Variants in HECW1 observed in about 807,000 individuals in gnomAD.
HECW1 encodes HECT, C2 and WW domain containing E3 ubiquitin protein ligase 1.
A neutral mutation model predicts 182.3 loss-of-function variants in HECW1; 61 were observed. That is an observed-to-expected ratio of 0.33 (90% CI 0.27 to 0.41). HECW1 has a LOEUF of 0.41. Among genes scored for constraint, HECW1 ranks in the 10% least tolerant of loss-of-function variants. The probability of loss-of-function intolerance (pLI) is 1.00; values close to 1 mark genes in which losing one functional copy is unlikely to be tolerated. For missense variants in HECW1, 1,739 were observed against 2,108.9 expected (o/e 0.82, Z 3.44); for synonymous variants, 859 against 832.6 (o/e 1.03, Z -0.55).
intron 4 of HECW1, among the ~76,000 whole-genome samples, chr7:43,314,298 G>T (rs1246174851): frequency 1.3e-5 from 2 of 152,218 alleles, no homozygotes; most frequent in Non-Finnish European, 2.9e-5. Flanking sequence ...ATGAATGAAT[G>T]GTTCTGAAGC....
intron 24 of HECW1, among the ~76,000 whole-genome samples, chr7:43,540,093 A>G (rs2081311160): frequency 6.6e-6 from 1 of 152,232 alleles, no homozygotes; most frequent in Admixed American, 6.5e-5. Flanking sequence ...AAACATACCA[A>G]TTTGAAGTGT....
intron 2 of HECW1, among the ~76,000 whole-genome samples, chr7:43,178,494 CA>C (rs1792486765): frequency 1.3e-5 from 2 of 152,114 alleles, no homozygotes; most frequent in Admixed American, 1.3e-4. Flanking sequence ...AAGAAAGTGC[CA>C]AATATCAAGT....
At chr7:43,254,703 A>T (rs1373809694) in intron 3 of HECW1, among the ~76,000 whole-genome samples, 1 of 152,174 alleles carries the variant, frequency 6.6e-6, no homozygotes, top group Non-Finnish European at 1.5e-5. Context: ...GGAGCCAGGA[A>T]TTTCCTCAGC....
chr7:43,168,150 T>G (rs7804641), intron 2 of HECW1, among the ~76,000 whole-genome samples: 9,823 of 152,306 alleles, frequency 0.064, 495 homozygotes, highest in East Asian at 0.29. Flanking sequence ...ATGTTTCACT[T>G]TTGCATGATG....
intron 7 of HECW1, among the ~76,000 whole-genome samples, chr7:43,404,794 A>G (rs1270508472): frequency 1.3e-5 from 2 of 152,074 alleles, no homozygotes; most frequent in African/African-American, 2.4e-5. Flanking sequence ...GGCCAACCTA[A>G]TGAAACCCTA....
intron 13 of HECW1, among the ~76,000 whole-genome samples, chr7:43,457,788 C>A (rs868140204): frequency 1.0e-3 from 148 of 147,654 alleles, no homozygotes; most frequent in African/African-American, 2.0e-3. Flanking sequence ...AAAAAAAAAA[C>A]AAACAAAAAA....
intron 2 of HECW1, among the ~76,000 whole-genome samples, chr7:43,150,453 G>C (rs534686881): frequency 3.3e-5 from 5 of 151,956 alleles, no homozygotes; most frequent in Non-Finnish European, 7.4e-5. Flanking sequence ...ATGTCAGCTC[G>C]GTGCAACCTC....
chr7:43,154,145 A>G (rs1284878084), intron 2 of HECW1, among the ~76,000 whole-genome samples: 1 of 152,256 alleles, frequency 6.6e-6, no homozygotes, highest in Admixed American at 6.5e-5. Flanking sequence ...ATACTTATTT[A>G]CAATAGTCAA....
chr7:43,178,614 A>G (rs1792500545), intron 2 of HECW1, among the ~76,000 whole-genome samples: 1 of 152,204 alleles, frequency 6.6e-6, no homozygotes, highest in African/African-American at 2.4e-5. Context: ...CACTGTGCAG[A>G]GCGCTGCCTC....
At chr7:43,227,822 C>T (rs1413253301) in intron 2 of HECW1, among the ~76,000 whole-genome samples, 2 of 152,200 alleles carry the variant, frequency 1.3e-5, no homozygotes, top group African/African-American at 2.4e-5. Flanking sequence ...AAAAGCAATA[C>T]ATCCATGAAA....
chr7:43,354,216 A>G (rs1814820150), intron 5 of HECW1, among the ~76,000 whole-genome samples: 1 of 151,436 alleles, frequency 6.6e-6, no homozygotes, highest in Non-Finnish European at 1.5e-5. Flanking sequence ...GACAGAGAAG[A>G]CTGAAATAAA....
chr7:43,331,997 G>A (rs1160195313), intron 5 of HECW1, among the ~76,000 whole-genome samples: 1 of 152,176 alleles, frequency 6.6e-6, no homozygotes, highest in Non-Finnish European at 1.5e-5. Flanking sequence ...TGACTGGCTA[G>A]GGGTGGGATG....
In HECW1 at chr7:43,129,489, A is replaced by G. The variant is rs111605563; in HGVS notation, c.-32+15098A>G. Among the ~76,000 whole-genome samples, 843 of 152,318 alleles carry G rather than the reference A, an allele frequency of 5.5e-3. 9 individuals are homozygous for G. Among genetic ancestry groups the G allele is most frequent in the African/African-American group, 0.019 (789 of 41,568 alleles). On this transcript the variant is annotated intron_variant, in intron 2 of 29. Coordinates refer to ENST00000395891, the MANE Select transcript of HECW1 (RefSeq NM_015052.5). ...TGCTAATAGACTACAGTATAGTGTAAACATAACTTTTATGTGCACCAGAAA... is the reference window on the plus strand; with the variant it reads ...TGCTAATAGACTACAGTATAGTGTAGACATAACTTTTATGTGCACCAGAAA...
At chr7:43,548,768 C>T (rs554440686) in intron 26 of HECW1, among the ~76,000 whole-genome samples, 1 of 152,174 alleles carries the variant, frequency 6.6e-6, no homozygotes, top group South Asian at 2.1e-4. Context: ...ATGGCGAAAC[C>T]CTGTCTGTAC....
intron 13 of HECW1, among the ~76,000 whole-genome samples, chr7:43,459,344 T>C (rs1349700681): frequency 6.6e-6 from 1 of 152,240 alleles, no homozygotes; most frequent in African/African-American, 2.4e-5. Flanking sequence ...ATTCCCATGC[T>C]TTCAGAATAT....
At chr7:43,226,487 CT>C (rs1183901878) in intron 2 of HECW1, among the ~76,000 whole-genome samples, 4 of 152,176 alleles carry the variant, frequency 2.6e-5, no homozygotes, top group African/African-American at 4.8e-5. Flanking sequence ...TGTCTAAATG[CT>C]TTACTTTTTT....
chr7:43,366,176 T>C (rs966843796), intron 6 of HECW1, among the ~76,000 whole-genome samples: 5 of 151,506 alleles, frequency 3.3e-5, no homozygotes, highest in African/African-American at 2.4e-5. Context: ...CATATACTTG[T>C]CAGACCCCCT....
intron 2 of HECW1, among the ~76,000 whole-genome samples, chr7:43,200,746 C>T (rs1409304875): frequency 6.6e-6 from 1 of 152,198 alleles, no homozygotes; most frequent in Admixed American, 6.5e-5. Flanking sequence ...GAAACAGGGT[C>T]TTCAAAACTT....
chr7:43,184,457 C>T (rs1357453622), intron 2 of HECW1, among the ~76,000 whole-genome samples: 1 of 152,168 alleles, frequency 6.6e-6, no homozygotes, highest in African/African-American at 2.4e-5. Context: ...TCCCAATTTC[C>T]TGAGGTAGAG....
Sources: allele counts gnomAD v4.1 joint callset (sites outside exome capture counted in the v4.1 genomes callset), GRCh38; gene constraint gnomAD v4.1.1; transcripts MANE v1.5; gene names NCBI Gene and HGNC (gene_info 2026-07-23, HGNC 2026-07-21).